STIM1: variants seen among roughly 807,000 people sequenced by gnomAD.
STIM1 encodes the protein stromal interaction molecule 1.
A neutral mutation model predicts 74.7 loss-of-function variants in STIM1; 25 were observed. That is an observed-to-expected ratio of 0.33 (90% CI 0.24 to 0.47). The LOEUF (loss-of-function observed/expected upper bound fraction) is 0.47, where lower values mean the gene tolerates loss of function less well. Ranked by LOEUF, STIM1 falls within the 20% of genes least tolerant of loss-of-function variation. The probability of loss-of-function intolerance (pLI) is 1.00; values close to 1 mark genes in which losing one functional copy is unlikely to be tolerated. For synonymous variants in STIM1, 328 were observed against 348.8 expected (o/e 0.94, Z 0.66); for missense variants, 728 against 920.8 (o/e 0.79, Z 2.71).
chr11:3,951,138 C>A (rs1046990579), intron 1 of STIM1, among the ~76,000 whole-genome samples: 2 of 152,148 alleles, frequency 1.3e-5, no homozygotes, highest in African/African-American at 4.8e-5. Context: ...GCCTGGGCTG[C>A]CAGGAGGCTC....
At chr11:3,999,555 A>T (rs1590634052) in intron 2 of STIM1, 1 of 152,196 alleles carries the variant, frequency 6.6e-6, no homozygotes, top group East Asian at 1.9e-4. Flanking sequence ...TGGAATAGAT[A>T]TTTACTTTAA....
chr11:4,090,890 A>G (rs77333373), intron 12 of STIM1, among the ~76,000 whole-genome samples: 4,790 of 151,968 alleles, frequency 0.032, 227 homozygotes, highest in African/African-American at 0.11. Context: ...GTATGATGAC[A>G]TTTGTTTTTG....
chr11:3,967,498 A>G (rs931474173), intron 1 of STIM1, 54 bp from the exon 2 acceptor site: 5 of 1,613,008 alleles, frequency 3.1e-6, no homozygotes, highest in Middle Eastern at 1.7e-4. Flanking sequence ...CAGGTGGGTG[A>G]TAGGTTCTGG....
chr11:3,920,596 A>G (rs1238822005), intron 1 of STIM1, among the ~76,000 whole-genome samples: 1 of 152,122 alleles, frequency 6.6e-6, no homozygotes, highest in Non-Finnish European at 1.5e-5. Flanking sequence ...ATTGGGATTG[A>G]CAAACTCAGC....
At chr11:3,907,484 A>T (rs933458653) in intron 1 of STIM1, among the ~76,000 whole-genome samples, 1 of 152,190 alleles carries the variant, frequency 6.6e-6, no homozygotes, top group Non-Finnish European at 1.5e-5. Context: ...CAACATTCAG[A>T]TACTTTTCAT....
intron 2 of STIM1, among the ~76,000 whole-genome samples, chr11:3,990,310 T>C (rs2093598675): frequency 6.6e-6 from 1 of 152,236 alleles, no homozygotes; most frequent in Non-Finnish European, 1.5e-5. Context: ...TTGTTTAGCA[T>C]TCATCAATTT....
chr11:4,037,949 G>A (rs1325763532), intron 3 of STIM1, among the ~76,000 whole-genome samples: 2 of 151,028 alleles, frequency 1.3e-5, no homozygotes, highest in Non-Finnish European at 2.9e-5. Flanking sequence ...TAATTCAATT[G>A]TATTTTCTTT....
rs976580860 is a variant in STIM1, at chr11:4,052,803, C to T, written c.386-2723C>T. Among the ~76,000 whole-genome samples, 49 of 152,116 alleles carry T rather than the reference C, an allele frequency of 3.2e-4. 2 individuals carry two copies. Among genetic ancestry groups the T allele is most frequent in the Admixed American group, 1.3e-4 (2 of 15,276 alleles). On this transcript the variant is annotated intron_variant, in intron 3 of 12. Coordinates refer to ENST00000526596, the MANE Select transcript of STIM1 (RefSeq NM_001382567.1). ...AACTACCATCAGAGTGAACAGGCAA[C>T]CTACAGAATGGGAGAAAAGTTTTGC...
chr11:3,861,303 A>G (rs1166311294), intron 1 of STIM1, among the ~76,000 whole-genome samples: 3 of 148,990 alleles, frequency 2.0e-5, no homozygotes, highest in East Asian at 2.0e-4. Flanking sequence ...GCCCGATCTC[A>G]GCTCACTGCA....
intron 9 of STIM1, 72 bp downstream of exon 9, chr11:4,083,054 C>A: frequency 1.5e-6 from 2 of 1,364,198 alleles, no homozygotes; most frequent in Non-Finnish European, 2.1e-6. Context: ...ACAGGGCCTC[C>A]AACACCAATT....
intron 1 of STIM1, among the ~76,000 whole-genome samples, chr11:3,913,223 T>C (rs1302534729): frequency 6.6e-6 from 1 of 152,118 alleles, no homozygotes; most frequent in Admixed American, 6.6e-5. Context: ...AGGGTCTTGC[T>C]GTCGCCCAGG....
intron 1 of STIM1, among the ~76,000 whole-genome samples, chr11:3,863,338 C>T (rs543761381): frequency 1.1e-4 from 17 of 151,154 alleles, no homozygotes; most frequent in African/African-American, 4.1e-4. Flanking sequence ...TCACTGTTGC[C>T]TCGACCTTCC....
At chr11:4,086,677 T>A (rs1487200155) in intron 12 of STIM1, 134 bp downstream of exon 12, 2 of 1,543,164 alleles carry the variant, frequency 1.3e-6, no homozygotes, top group Non-Finnish European at 1.7e-6. Context: ...TGCTGCTGCT[T>A]CTTGCTCCTC....
intron 2 of STIM1, among the ~76,000 whole-genome samples, chr11:4,009,307 A>AG (rs2093813231): frequency 7.1e-6 from 1 of 140,186 alleles, no homozygotes; most frequent in African/African-American, 2.6e-5. Flanking sequence ...AAAAAAAAAA[A>AG]GTTGCATTTT....
At chr11:4,055,396 A>G (rs1429626570) in intron 3 of STIM1, 130 bp from the exon 4 acceptor site, 6 of 739,562 alleles carry the variant, frequency 8.1e-6, no homozygotes, top group African/African-American at 1.7e-5. Flanking sequence ...TACTCCTTTC[A>G]TACTTAGTAT....
chr11:3,888,109 C>T (rs774598860), intron 1 of STIM1: 2 of 152,386 alleles, frequency 1.3e-5, no homozygotes, highest in Non-Finnish European at 2.9e-5. Context: ...AAAGATGAAG[C>T]CTGGGAGGTG....
chr11:3,931,785 C>A (rs889358816), intron 1 of STIM1, among the ~76,000 whole-genome samples: 7 of 152,172 alleles, frequency 4.6e-5, no homozygotes, highest in Non-Finnish European at 7.4e-5. Context: ...ATGGCAGACA[C>A]ACCTGAATGC....
In STIM1 at chr11:4,084,758, A is replaced by G; in HGVS notation, c.1560A>G (p.Lys520=). 1.6e-6 allele frequency: 2 copies of G among 1,289,338 alleles called. No homozygotes were observed. The highest frequency in any genetic ancestry group is 2.0e-6 in the Non-Finnish European group (2 of 988,866). The allele number at this position is 1,289,338 out of a possible 1,614,324, so 79.9% of individuals were successfully genotyped here. Residue 520 remains lysine (K), a synonymous_variant, in exon 11 of 13, where the codon AAA becomes AAG. Coordinates refer to ENST00000526596, the MANE Select transcript of STIM1 (RefSeq NM_001382567.1). ...SAGSDDQSLW[K]YPAPSLQSSV... Reference sequence around the variant, plus strand: ...GCTCGGATGATCAGTCCCTCTGGAAATACCCCGGTTTGAGGAGCCCCTTTG... The same window carrying G: ...GCTCGGATGATCAGTCCCTCTGGAAGTACCCCGGTTTGAGGAGCCCCTTTG...
intron 1 of STIM1, among the ~76,000 whole-genome samples, chr11:3,885,198 A>G (rs1195621783): frequency 6.8e-6 from 1 of 147,108 alleles, no homozygotes; most frequent in African/African-American, 2.5e-5. Flanking sequence ...TTTTTTTTTG[A>G]GACAGTATCT....
Sources: gnomAD v4.1 joint callset for allele counts (sites outside exome capture counted in the v4.1 genomes callset) on GRCh38, gnomAD v4.1.1 for gene constraint, MANE v1.5 for transcripts, NCBI Gene and HGNC (gene_info 2026-07-23, HGNC 2026-07-21) for gene names.